Variants in ALK observed in about 807,000 individuals in gnomAD.
The protein encoded by ALK is ALK receptor tyrosine kinase, also known as ALK tyrosine kinase receptor.
ALK carries 74 observed loss-of-function variants against 163.1 expected under a neutral mutation model. That is an observed-to-expected ratio of 0.45 (90% CI 0.38 to 0.55). The LOEUF (loss-of-function observed/expected upper bound fraction) is 0.55. Ranked by LOEUF, ALK falls within the 20% of genes least tolerant of loss-of-function variation. The probability of loss-of-function intolerance (pLI) is 0.00; values close to 1 mark genes in which losing one functional copy is unlikely to be tolerated. For missense variants in ALK, 2,063 were observed against 2,105.3 expected (o/e 0.98, Z 0.39); for synonymous variants, 960 against 843.2 (o/e 1.14, Z -2.40).
intron 4 of ALK, among the ~76,000 whole-genome samples, chr2:29,505,921 T>C (rs1672306908): frequency 6.6e-6 from 1 of 152,048 alleles, no homozygotes; most frequent in Admixed American, 6.5e-5. Context: ...GCTGCATATA[T>C]TGTAATAAAA....
At chr2:29,703,780 A>T (rs1678816863) in intron 2 of ALK, among the ~76,000 whole-genome samples, 1 of 152,168 alleles carries the variant, frequency 6.6e-6, no homozygotes, top group African/African-American at 2.4e-5. Flanking sequence ...TTAGAACTTT[A>T]AGAAACATTT....
At chr2:29,440,189 G>A (rs369046673) in intron 4 of ALK, among the ~76,000 whole-genome samples, 19 of 152,034 alleles carry the variant, frequency 1.2e-4, no homozygotes, top group Admixed American at 2.0e-4. Context: ...AGCCGAGATC[G>A]TGCCATTGCA....
intron 3 of ALK, among the ~76,000 whole-genome samples, chr2:29,542,158 G>C (rs911847021): frequency 2.0e-5 from 3 of 152,256 alleles, no homozygotes; most frequent in South Asian, 4.2e-4. Flanking sequence ...TTCAGAGGGA[G>C]GGCAAAGGGA....
intron 8 of ALK, among the ~76,000 whole-genome samples, chr2:29,302,115 T>C (rs1666389246): frequency 6.6e-6 from 1 of 152,200 alleles, no homozygotes; most frequent in Non-Finnish European, 1.5e-5. Context: ...TCAGGACATA[T>C]GACACAAGAT....
chr2:29,409,587 T>C (rs914564876), intron 4 of ALK, among the ~76,000 whole-genome samples: 4 of 152,122 alleles, frequency 2.6e-5, no homozygotes, highest in Non-Finnish European at 5.9e-5. Context: ...GCTTCCTTAA[T>C]CTCCTTTAAT....
At chr2:29,841,988 T>G (rs1054464065) in intron 1 of ALK, among the ~76,000 whole-genome samples, 1 of 152,222 alleles carries the variant, frequency 6.6e-6, no homozygotes, top group African/African-American at 2.4e-5. Flanking sequence ...TCTCCTTTCC[T>G]TCCTCCATCC....
chr2:29,197,386 C>G (rs143205251), intron 27 of ALK, among the ~76,000 whole-genome samples, 156 bp downstream of exon 27: 12 of 152,316 alleles, frequency 7.9e-5, no homozygotes, highest in African/African-American at 2.6e-4. Flanking sequence ...ACGCATCCAT[C>G]TCACTGAAGT....
chr2:29,530,660 T>G (rs1673097227), intron 4 of ALK, among the ~76,000 whole-genome samples: 1 of 152,232 alleles, frequency 6.6e-6, no homozygotes, highest in Non-Finnish European at 1.5e-5. Flanking sequence ...CCATCCAGGC[T>G]TCTTACTGGA....
At chr2:29,651,126 C>A (rs2148253668) in intron 3 of ALK, among the ~76,000 whole-genome samples, 1 of 152,202 alleles carries the variant, frequency 6.6e-6, no homozygotes, top group Non-Finnish European at 1.5e-5. Flanking sequence ...TTACCCAACC[C>A]TGTTCTCAGT....
chr2:29,825,240 A>T lies in ALK; in HGVS notation c.667+94753T>A, dbSNP rs1269304817. 2.0e-5 allele frequency among the ~76,000 whole-genome samples: 3 copies of T among 152,232 alleles called. No homozygotes were observed. In the East Asian group the frequency reaches 5.8e-4, roughly 29 times the overall value. On this transcript the variant is annotated intron_variant, in intron 1 of 28. Transcript: ENST00000389048. ...GCCCAGTCTCAGGTATGTCTTTATC[A>T]GCAGCATGAAAATAGACTAATACAT...
At chr2:29,848,127 G>T (rs977655546) in intron 1 of ALK, among the ~76,000 whole-genome samples, 1 of 152,120 alleles carries the variant, frequency 6.6e-6, no homozygotes, top group African/African-American at 2.4e-5. Flanking sequence ...CAGGGGCAGC[G>T]GGTGTGAATA....
intron 1 of ALK, among the ~76,000 whole-genome samples, chr2:29,767,557 T>C (rs906893431): frequency 6.6e-6 from 1 of 152,206 alleles, no homozygotes; most frequent in Non-Finnish European, 1.5e-5. Context: ...ATGTCCTACT[T>C]TCTCACTTCA....
chr2:29,755,722 T>G (rs545490346), intron 1 of ALK, among the ~76,000 whole-genome samples: 2 of 152,068 alleles, frequency 1.3e-5, no homozygotes, highest in African/African-American at 2.4e-5. Flanking sequence ...AGTGGGGAGA[T>G]TGAGGCTCAT....
At chr2:29,292,198 C>T (rs539773949) in intron 9 of ALK, among the ~76,000 whole-genome samples, 24 of 152,304 alleles carry the variant, frequency 1.6e-4, no homozygotes, top group Non-Finnish European at 2.9e-4. Context: ...GGAGCCTGCA[C>T]AGGTGTGATA....
intron 3 of ALK, among the ~76,000 whole-genome samples, chr2:29,542,556 A>T (rs1241418327): frequency 2.0e-5 from 3 of 152,198 alleles, no homozygotes; most frequent in Non-Finnish European, 4.4e-5. Flanking sequence ...TGGTTTGCAG[A>T]TTAGAAACTT....
chr2:29,830,982 GAAGAAGAAGAAGAA>G (rs1665371179), intron 1 of ALK, among the ~76,000 whole-genome samples: 1 of 49,466 alleles, frequency 2.0e-5, no homozygotes, highest in African/African-American at 6.3e-5. Flanking sequence ...AGAAGAAGAA[GAAGAAGAAGAAGAA>G]GAAGAAGAAG....
intron 3 of ALK, among the ~76,000 whole-genome samples, chr2:29,566,061 G>A (rs1674178109): frequency 6.6e-6 from 1 of 152,152 alleles, no homozygotes; most frequent in Admixed American, 6.5e-5. Flanking sequence ...GGCTGGTTGA[G>A]TGACAAACTT....
intron 5 of ALK, among the ~76,000 whole-genome samples, chr2:29,383,402 T>A (rs934788470): frequency 2.0e-5 from 3 of 152,050 alleles, no homozygotes; most frequent in Non-Finnish European, 4.4e-5. Context: ...CTGTGACCTC[T>A]GTCTCCCAGG....
intron 3 of ALK, among the ~76,000 whole-genome samples, chr2:29,542,739 T>A (rs1386326509): frequency 6.6e-6 from 1 of 152,226 alleles, no homozygotes; most frequent in African/African-American, 2.4e-5. Context: ...ATACATTGTA[T>A]CTAGGTAGGG....
Sources: allele counts gnomAD v4.1 joint callset (sites outside exome capture counted in the v4.1 genomes callset), GRCh38; gene constraint gnomAD v4.1.1; transcripts MANE v1.5; gene names NCBI Gene and HGNC (gene_info 2026-07-23, HGNC 2026-07-21).